The following PCNX2 variants were observed in gnomAD, a reference collection of about 807,000 sequenced individuals.
PCNX2 encodes pecanex 2, also known as pecanex-like protein 2.
In PCNX2, 168 loss-of-function variants were observed where a neutral mutation model predicts 223.8. That is an observed-to-expected ratio of 0.75 (90% CI 0.66 to 0.85). PCNX2 has a LOEUF of 0.85. Among genes scored for constraint, PCNX2 ranks in the 40% least tolerant of loss-of-function variants. The pLI, the probability that PCNX2 is intolerant of heterozygous loss-of-function variation, is 0.00. For missense variants in PCNX2, 2,507 were observed against 2,675.5 expected (o/e 0.94, Z 1.39); for synonymous variants, 1,006 against 1,052.6 (o/e 0.96, Z 0.86).
chr1:233,180,050 C>G (rs1415563923), intron 15 of PCNX2, among the ~76,000 whole-genome samples: 3 of 152,212 alleles, frequency 2.0e-5, no homozygotes, highest in Non-Finnish European at 2.9e-5. Flanking sequence ...CAAGCGTGCT[C>G]TCGCCATTGT....
At chr1:233,117,442 T>C (rs1205478436) in intron 21 of PCNX2, among the ~76,000 whole-genome samples, 1 of 150,688 alleles carries the variant, frequency 6.6e-6, no homozygotes, top group Non-Finnish European at 1.5e-5. Flanking sequence ...CCATCCTGGC[T>C]AACACAGTGA....
chr1:233,260,151 T>TTC (rs1182384755), intron 4 of PCNX2, among the ~76,000 whole-genome samples: 1 of 152,204 alleles, frequency 6.6e-6, no homozygotes, highest in Non-Finnish European at 1.5e-5. Context: ...AAAAACAGAA[T>TTC]TCTTTGCTTT....
At chr1:232,993,982 T>C (rs1306252773) in intron 32 of PCNX2, among the ~76,000 whole-genome samples, 1 of 152,206 alleles carries the variant, frequency 6.6e-6, no homozygotes, top group East Asian at 1.9e-4. Context: ...TGGAAATGCC[T>C]GATGTTCAGG....
chr1:233,298,952 C>T (rs1662214899), upstream of PCNX2, among the ~76,000 whole-genome samples: 1 of 152,188 alleles, frequency 6.6e-6, no homozygotes, highest in African/African-American at 2.4e-5. Context: ...TTCCTGGCAT[C>T]ATTATAGCTT....
intron 26 of PCNX2, among the ~76,000 whole-genome samples, chr1:233,020,116 G>A (rs998960393): frequency 3.3e-5 from 5 of 152,182 alleles, no homozygotes; most frequent in South Asian, 2.1e-4. Flanking sequence ...CACAACCGAT[G>A]AAGTCAGAAT....
intron 25 of PCNX2, among the ~76,000 whole-genome samples, chr1:233,026,841 C>T (rs1216604774): frequency 6.6e-6 from 1 of 152,008 alleles, no homozygotes; most frequent in Non-Finnish European, 1.5e-5. Context: ...GTTTTAAGTG[C>T]CTAATATATC....
chr1:233,158,642 G>A (rs543891567), intron 19 of PCNX2, among the ~76,000 whole-genome samples: 2 of 152,172 alleles, frequency 1.3e-5, no homozygotes, highest in South Asian at 2.1e-4. Flanking sequence ...AAAATATAAG[G>A]AAATGTATAG....
chr1:233,142,879 A>G (rs1414689314), intron 19 of PCNX2, among the ~76,000 whole-genome samples: 1 of 151,796 alleles, frequency 6.6e-6, no homozygotes, highest in Non-Finnish European at 1.5e-5. Flanking sequence ...TTGTGCTCAA[A>G]CCTTTTGCTC....
intron 23 of PCNX2, among the ~76,000 whole-genome samples, chr1:233,086,453 C>T (rs962578069): frequency 1.3e-5 from 2 of 151,556 alleles, no homozygotes; most frequent in South Asian, 4.2e-4. Context: ...GTCAGGAGAT[C>T]GAGACCATCC....
chr1:233,087,319 C>A (rs1279406043), intron 23 of PCNX2, among the ~76,000 whole-genome samples: 1 of 152,066 alleles, frequency 6.6e-6, no homozygotes, highest in East Asian at 1.9e-4. Context: ...CAACACACAC[C>A]CCCAGCCTGG....
chr1:232,999,051 T>A, intron 31 of PCNX2, 54 bp downstream of exon 31: 1 of 1,528,070 alleles, frequency 6.5e-7, no homozygotes, highest in Non-Finnish European at 8.8e-7. Flanking sequence ...GCTCCCTGCA[T>A]CCCCCACACC....
At chr1:233,137,722 A>G (rs1228495916) in intron 20 of PCNX2, among the ~76,000 whole-genome samples, 1 of 152,182 alleles carries the variant, frequency 6.6e-6, no homozygotes, top group Non-Finnish European at 1.5e-5. Flanking sequence ...TGAGGTAGCA[A>G]TTGGTGAACA....
intron 1 of PCNX2, among the ~76,000 whole-genome samples, chr1:233,274,499 G>C (rs1487905135): frequency 6.6e-6 from 1 of 152,142 alleles, no homozygotes; most frequent in Admixed American, 6.5e-5. Flanking sequence ...AGAGACAAAA[G>C]AAACATAGTC....
Position 233,258,575 on chromosome 1 carries a change from A to G in PCNX2, c.1287T>C (p.Pro429=). The G allele has an allele frequency of 1.2e-6, 2 of 1,613,924 alleles. No individual in the cohort carries two copies. Among genetic ancestry groups the G allele is most frequent in the Non-Finnish European group, 1.7e-6 (2 of 1,179,872 alleles). Residue 429 remains proline (P), a synonymous_variant, in exon 5 of 34, where the codon CCT becomes CCC. Transcript: ENST00000258229. The stretch of plus-strand genomic sequence containing the variant: ...CCTCAGGCAGGTCCAGGGTGATTAC[A>G]GGAATTGAGATCTGCTCGGCATTTG... ...GSPNAEQISI[P]VITLDLPEGG... is the part of the protein sequence containing the mutation.
At chr1:233,256,475 C>G (rs1478671375) in intron 5 of PCNX2, among the ~76,000 whole-genome samples, 9 of 152,192 alleles carry the variant, frequency 5.9e-5, no homozygotes, top group Admixed American at 5.9e-4. Flanking sequence ...ACTGGACACA[C>G]TGCTTCTGGG....
At chr1:233,266,443 T>G (rs1660336480) in intron 1 of PCNX2, among the ~76,000 whole-genome samples, 1 of 152,152 alleles carries the variant, frequency 6.6e-6, no homozygotes, top group African/African-American at 2.4e-5. Context: ...GCAATTATGC[T>G]CTTCCGAGGC....
At chr1:233,076,944 A>G (rs1673121837) in intron 23 of PCNX2, among the ~76,000 whole-genome samples, 1 of 152,214 alleles carries the variant, frequency 6.6e-6, no homozygotes, top group South Asian at 2.1e-4. Flanking sequence ...CATTTGATTT[A>G]TGATTTATTA....
intron 10 of PCNX2, 143 bp from the exon 11 acceptor site, chr1:233,218,327 C>T: frequency 1.4e-6 from 1 of 702,712 alleles, no homozygotes; most frequent in Non-Finnish European, 2.2e-6. Flanking sequence ...CAGCTCACTG[C>T]AAGCTCTGCC....
intron 26 of PCNX2, among the ~76,000 whole-genome samples, chr1:233,021,799 G>A (rs994171077): frequency 2.6e-5 from 4 of 152,266 alleles, no homozygotes; most frequent in South Asian, 4.1e-4. Flanking sequence ...GCCTTCCTGA[G>A]CCCTTTTCCA....
Sources: allele counts gnomAD v4.1 joint callset (sites outside exome capture counted in the v4.1 genomes callset), GRCh38; gene constraint gnomAD v4.1.1; transcripts MANE v1.5; gene names NCBI Gene and HGNC (gene_info 2026-07-23, HGNC 2026-07-21).